Variants in NUDT18 observed in about 807,000 individuals in gnomAD.
NUDT18 encodes the protein 8-oxo-dGDP phosphatase NUDT18.
A neutral mutation model predicts 27.6 loss-of-function variants in NUDT18; 26 were observed. The ratio of observed to expected loss-of-function variants is 0.94; its 90% CI spans 0.69 to 1.31. The LOEUF is 1.31. Among genes scored for constraint, NUDT18 ranks in the 50% most tolerant of loss-of-function variants. The probability of loss-of-function intolerance (pLI) is 0.00; values close to 1 mark genes in which losing one functional copy is unlikely to be tolerated. For synonymous variants in NUDT18, 220 were observed against 196.9 expected, an observed-to-expected ratio of 1.12 and a Z score of -0.98; for missense variants, 450 against 433.4, an observed-to-expected ratio of 1.04 and a Z score of -0.34.
chr8:22,109,773 G>A (rs1318134459), upstream of NUDT18: 1 of 455,726 alleles, frequency 2.2e-6, no homozygotes, highest in Non-Finnish European at 4.4e-6. Context: ...TGACGTCACG[G>A]AGGCCCGGGG....
Position 22,108,202 on chromosome 8 carries a change from C to CACA in NUDT18, c.306_307insTGT (p.Pro102_Glu103insCys), listed in dbSNP as rs1328899063. ...CGCTCCTCCACGGACAGCAGTGTCT[C>CACA]GGGCTCACAGTGCAGCCCCGCCTCC... On this transcript the variant is annotated inframe_insertion, in exon 2 of 3. Transcript: ENST00000611621. The CACA allele has an allele frequency of 6.3e-7, 1 of 1,592,258 alleles. No individual in the cohort carries two copies. The highest frequency in any genetic ancestry group is 1.1e-5 in the South Asian group (1 of 87,974).
At position 22,109,366 on chromosome 8, in the gene NUDT18, T is replaced by G; in HGVS notation, c.-66A>C. 2 of 552,228 alleles carry G rather than the reference T, an allele frequency of 3.6e-6. No homozygotes were observed. The highest frequency in any genetic ancestry group is 2.3e-6 in the Non-Finnish European group (1 of 433,976). 34.2% of individuals were successfully genotyped at this position (552,228 alleles called of 1,614,324 possible). On this transcript the variant is annotated 5_prime_UTR_variant, in exon 1 of 3. Transcript: ENST00000611621. ...GACTGAGCCGAGCCGCGGGCTAGAG[T>G]GCGCTGCGGAGCCCGCTCCCAGTCC...
rs753733631 is a variant in NUDT18, at chr8:22,107,713, G to A, written c.559C>T (p.Leu187=). 8.7e-6 allele frequency: 14 copies of A among 1,613,412 alleles called. No individual in the cohort carries two copies. Among genetic ancestry groups the A allele is most frequent in the Non-Finnish European group, 1.1e-5 (13 of 1,179,790 alleles). ...LILPQELPCD[L]VCQRLVATFT... ...GTAGCCACGAGCCGCTGGCAGACCAGATCACAGGGTAGCTCTTGGGGCAGA... is the reference window on the plus strand; with the variant it reads ...GTAGCCACGAGCCGCTGGCAGACCAAATCACAGGGTAGCTCTTGGGGCAGA... The change falls in exon 3 of 3, where the codon CTG becomes TTG. Residue 187 remains leucine (L), a synonymous_variant. Transcript: ENST00000611621.
In NUDT18 at chr8:22,109,217, C is replaced by G; in HGVS notation, c.84G>C (p.Pro28=). The change falls in exon 1 of 3, where the codon CCG becomes CCC. Residue 28 remains proline (P), a synonymous_variant. Transcript: ENST00000611621. ...GSSVHSCDSA[P]AGEPPAPVRL... is the part of the protein sequence containing the mutation. ...GCACGGGCGCCGGCGGCTCCCCGGC[C>G]GGCGCCGAGTCGCAGCTGTGCACGC... is the stretch of plus-strand genomic sequence containing the variant. 6.9e-7 allele frequency: 1 copy of G among 1,440,510 alleles called. No homozygotes were observed. Among genetic ancestry groups the G allele is most frequent in the East Asian group, 3.0e-5 (1 of 33,074 alleles). The allele number at this position is 1,440,510 out of a possible 1,614,324, so 89.2% of individuals were successfully genotyped here. A position where few individuals can be genotyped will look rare whatever the true frequency, so the allele number is the denominator to read the frequency against.
chr8:22,109,148 G>C lies in NUDT18; in HGVS notation c.153C>G (p.Leu51=). 1 of 1,441,378 alleles carries C rather than the reference G, an allele frequency of 6.9e-7. No individual in the cohort carries two copies. Among genetic ancestry groups the C allele is most frequent in the East Asian group, 3.0e-5 (1 of 33,220 alleles). The allele number at this position is 1,441,378 out of a possible 1,614,324, so 89.3% of individuals were successfully genotyped here. ...NVCYVVLAVF[L]SEQDEVLLIQ... ...GGGGGCGGCCGCTCACCTGCTCGCT[G>C]AGGAACACGGCCAGCACCACGTAGC... The change falls in exon 1 of 3, where the codon CTC becomes CTG. Residue 51 remains leucine (L), a synonymous_variant. Transcript: ENST00000611621.
At position 22,107,899 on chromosome 8, in the gene NUDT18, G is replaced by T. The variant is rs1826396193; in HGVS notation, c.377-4C>A. On this transcript the variant is annotated splice_region_variant and splice_polypyrimidine_tract_variant and intron_variant, in intron 2 of 2. Coordinates refer to ENST00000611621, the MANE Select transcript of NUDT18 (RefSeq NM_024815.4). ...TTGGAAGTCTTGAGAATTCCACCTG[G>T]GGGAGATGTGGGGGATGGGGCAGGG... 1 of 1,563,324 alleles carries T rather than the reference G, an allele frequency of 6.4e-7. No homozygotes were observed. The highest frequency in any genetic ancestry group is 8.7e-7 in the Non-Finnish European group (1 of 1,151,672).
upstream of NUDT18, chr8:22,109,453 G>C: frequency 1.6e-6 from 1 of 626,038 alleles, no homozygotes; most frequent in South Asian, 2.8e-5. Context: ...GGAAGCGCAC[G>C]CGAGCTCTGG....
At chr8:22,110,395 C>T (rs1826452694), upstream of NUDT18, among the ~76,000 whole-genome samples, 1 of 152,276 alleles carries the variant, frequency 6.6e-6, no homozygotes, top group Non-Finnish European at 1.5e-5. Context: ...CGAAGCAGGC[C>T]GTCTGGCTCC....
In NUDT18 at chr8:22,107,517, T is replaced by C. The variant is rs754219916; in HGVS notation, c.755A>G (p.Lys252Arg). 1.9e-6 allele frequency: 3 copies of C among 1,612,758 alleles called. No homozygotes were observed. In the African/African-American group the frequency reaches 4.0e-5, roughly 22 times the overall value. Reference protein sequence around the residue: ...LTLHHLVVEIKGLLGLQHLGR... With the variant: ...LTLHHLVVEIRGLLGLQHLGR... ...CAGGTGCTGCAGTCCAAGCAACCCCTTGATCTCCACCACCAAGTGGTGCAG... is the reference window on the plus strand; with the variant it reads ...CAGGTGCTGCAGTCCAAGCAACCCCCTGATCTCCACCACCAAGTGGTGCAG... The change falls in exon 3 of 3, where the codon AAG (lysine) becomes AGG (arginine). Residue 252 changes from lysine (K) to arginine (R), a missense_variant. Coordinates refer to ENST00000611621, the MANE Select transcript of NUDT18 (RefSeq NM_024815.4).
intron 2 of NUDT18, 37 bp downstream of exon 2, chr8:22,108,096 A>G (rs754347619): frequency 2.1e-6 from 3 of 1,462,580 alleles, no homozygotes; most frequent in Non-Finnish European, 1.8e-6. Flanking sequence ...AAAGGTGTCA[A>G]CTGGCCCTGT....
chr8:22,108,602 T>TCACTC (rs1270254770), intron 1 of NUDT18, among the ~76,000 whole-genome samples: 2 of 152,226 alleles, frequency 1.3e-5, no homozygotes, highest in African/African-American at 2.4e-5. Context: ...GGGCTGGAGA[T>TCACTC]GAGGCCCCAG....
chr8:22,108,688 A>C (rs1027124655), intron 1 of NUDT18, among the ~76,000 whole-genome samples: 10 of 152,178 alleles, frequency 6.6e-5, no homozygotes, highest in African/African-American at 2.4e-4. Flanking sequence ...TCTCGCCTCC[A>C]ACGGCGTGGT....
In NUDT18 at chr8:22,109,417, G is replaced by A. The variant is rs1382532952; in HGVS notation, c.-117C>T. 8.0e-6 allele frequency: 3 copies of A among 375,794 alleles called. No homozygotes were observed. The highest frequency in any genetic ancestry group is 4.6e-5 in the African/African-American group (1 of 21,910). The allele number at this position is 375,794 out of a possible 1,614,324, so 23.3% of individuals were successfully genotyped here. On this transcript the variant is annotated 5_prime_UTR_variant, in exon 1 of 3. Transcript: ENST00000611621. ...CTGCGGCAGCGGGCCGGGAGCTCACGAGAACGCGGAAGCGCACGCGAACGC... is the reference window on the plus strand; with the variant it reads ...CTGCGGCAGCGGGCCGGGAGCTCACAAGAACGCGGAAGCGCACGCGAACGC...
At chr8:22,108,794 C>G (rs1218605543) in intron 1 of NUDT18, among the ~76,000 whole-genome samples, 2 of 152,238 alleles carry the variant, frequency 1.3e-5, no homozygotes. Flanking sequence ...CTGGCCCCGT[C>G]TAGTTGTCAT....
Position 22,107,574 on chromosome 8 carries a change from G to A in NUDT18, c.698C>T (p.Ala233Val). The change falls in exon 3 of 3, where the codon GCC (alanine) becomes GTC (valine). Residue 233 changes from alanine to valine, a missense_variant. Ala to Val is a moderately conservative substitution (Grantham distance 64, BLOSUM62 0). Transcript: ENST00000611621. ...ACACTCCTGCAGCAGCCGCAGGACG[G>A]CCATCTTCATGCCACCCCTCTGCTC... Reference protein sequence around the residue: ...PMEQRGGMKMAVLRLLQECLT... With the variant: ...PMEQRGGMKMVVLRLLQECLT... 1.2e-6 allele frequency: 2 copies of A among 1,613,086 alleles called. No homozygotes were observed. The highest frequency in any genetic ancestry group is 2.7e-5 in the African/African-American group (2 of 75,032).
chr8:22,107,024 T>G lies in NUDT18; in HGVS notation c.*276A>C. 3 of 408,274 alleles carry G rather than the reference T, an allele frequency of 7.3e-6. No homozygotes were observed. Among genetic ancestry groups the G allele is most frequent in the Non-Finnish European group, 8.9e-6 (2 of 225,162 alleles). The allele number at this position is 408,274 out of a possible 1,614,324, so 25.3% of individuals were successfully genotyped here. On this transcript the variant is annotated 3_prime_UTR_variant, in exon 3 of 3. Coordinates refer to ENST00000611621, the MANE Select transcript of NUDT18 (RefSeq NM_024815.4). ...CGTGATGAGGAGATGCCACTGGGGG[T>G]GCAGAAAGCTCCCCATCCCCCTGGG...
In NUDT18 at chr8:22,109,381, G is replaced by C. The variant is rs544613431; in HGVS notation, c.-81C>G. 20 of 1,295,180 alleles carry C rather than the reference G, an allele frequency of 1.5e-5. No individual in the cohort carries two copies. The allele number at this position is 1,295,180 out of a possible 1,614,324, so 80.2% of individuals were successfully genotyped here. A position where few individuals can be genotyped will look rare whatever the true frequency, so the allele number is the denominator to read the frequency against. On this transcript the variant is annotated 5_prime_UTR_variant, in exon 1 of 3. Transcript: ENST00000611621. ...CGGGCTAGAGTGCGCTGCGGAGCCC[G>C]CTCCCAGTCCCTGCGGCAGCGGGCC...
chr8:22,106,923 C>A lies in NUDT18; in HGVS notation c.*377G>T, dbSNP rs992321980. On this transcript the variant is annotated 3_prime_UTR_variant, in exon 3 of 3. Coordinates refer to ENST00000611621, the MANE Select transcript of NUDT18 (RefSeq NM_024815.4). ...AGCAACGTGCTCCTCCCTCGGGGGA[C>A]CTTCCCCAGTGCCCCTCCATGCTCG... 5 of 184,468 alleles carry A rather than the reference C, an allele frequency of 2.7e-5. No homozygotes were observed. Among genetic ancestry groups the A allele is most frequent in the Non-Finnish European group, 5.6e-5 (5 of 88,986 alleles). The allele number at this position is 184,468 out of a possible 1,614,324, so 11.4% of individuals were successfully genotyped here.
intron 1 of NUDT18, 95 bp downstream of exon 1, chr8:22,109,044 C>T: frequency 2.0e-6 from 2 of 985,060 alleles, no homozygotes; most frequent in Non-Finnish European, 2.7e-6. Flanking sequence ...GCGCCACGCA[C>T]GCGGCAGCGC....
Sources: gnomAD v4.1 joint callset for allele counts (sites outside exome capture counted in the v4.1 genomes callset) on GRCh38, gnomAD v4.1.1 for gene constraint, MANE v1.5 for transcripts, NCBI Gene and HGNC (gene_info 2026-07-23, HGNC 2026-07-21) for gene names.